The following HS3ST2 variants were observed in gnomAD, a reference collection of about 807,000 sequenced individuals.
HS3ST2 encodes the protein heparan sulfate-glucosamine 3-sulfotransferase 2.
Under a neutral mutation model 26.3 loss-of-function variants are expected in HS3ST2, and 17 were observed. The observed-to-expected ratio is 0.65, with a 90% CI of 0.44 to 0.97. HS3ST2 has a LOEUF of 0.97. Ranked by LOEUF, HS3ST2 falls within the 50% of genes least tolerant of loss-of-function variation. HS3ST2 has a pLI of 0.00. For missense variants in HS3ST2, 402 were observed against 501.2 expected (o/e 0.80, Z 1.89); for synonymous variants, 237 against 219.2 (o/e 1.08, Z -0.72).
chr16:22,901,976 C>T (rs886624336), intron 1 of HS3ST2, among the ~76,000 whole-genome samples: 15 of 152,048 alleles, frequency 9.9e-5, no homozygotes, highest in Non-Finnish European at 2.2e-4. Flanking sequence ...AAGGTGAAAA[C>T]GAAGTCCCAT....
intron 1 of HS3ST2, among the ~76,000 whole-genome samples, chr16:22,854,169 G>A (rs780952439): frequency 4.8e-5 from 7 of 144,986 alleles, no homozygotes; most frequent in Non-Finnish European, 7.7e-5. Flanking sequence ...TAGATTTCTG[G>A]GGTTGCAGGC....
At chr16:22,870,659 C>T (rs1901824445) in intron 1 of HS3ST2, among the ~76,000 whole-genome samples, 1 of 152,176 alleles carries the variant, frequency 6.6e-6, no homozygotes, top group Non-Finnish European at 1.5e-5. Context: ...GCATTCTCAC[C>T]TTGGGGACTG....
intron 1 of HS3ST2, among the ~76,000 whole-genome samples, chr16:22,858,829 A>G (rs549817634): frequency 6.6e-6 from 1 of 152,316 alleles, no homozygotes; most frequent in South Asian, 2.1e-4. Context: ...CTATATCAGT[A>G]TAATAAAGAA....
intron 1 of HS3ST2, among the ~76,000 whole-genome samples, chr16:22,842,295 TC>T (rs1245543165): frequency 6.6e-6 from 1 of 152,106 alleles, no homozygotes; most frequent in African/African-American, 2.4e-5. Flanking sequence ...ACTCCTGACC[TC>T]AGGTAATTCA....
intron 1 of HS3ST2, among the ~76,000 whole-genome samples, chr16:22,843,465 A>T (rs966733218): frequency 6.6e-6 from 1 of 152,164 alleles, no homozygotes; most frequent in South Asian, 2.1e-4. Flanking sequence ...ACTGGCTTCA[A>T]GTTGGGGTTC....
At chr16:22,860,500 G>A (rs1901659606) in intron 1 of HS3ST2, among the ~76,000 whole-genome samples, 1 of 152,072 alleles carries the variant, frequency 6.6e-6, no homozygotes, top group South Asian at 2.1e-4. Context: ...TCTGACTTCT[G>A]CAGTTTATTT....
chr16:22,837,173 C>G (rs1402555300), intron 1 of HS3ST2, among the ~76,000 whole-genome samples: 1 of 150,638 alleles, frequency 6.6e-6, no homozygotes, highest in Non-Finnish European at 1.5e-5. Flanking sequence ...GTCAGACTGT[C>G]CTGAGTTCAA....
At chr16:22,849,698 G>T (rs142328605) in intron 1 of HS3ST2, among the ~76,000 whole-genome samples, 1 of 152,310 alleles carries the variant, frequency 6.6e-6, no homozygotes, top group Non-Finnish European at 1.5e-5. Context: ...CAACTTGTCT[G>T]CCTGGAGGCA....
chr16:22,821,313 G>A (rs1900987990), intron 1 of HS3ST2, among the ~76,000 whole-genome samples: 1 of 151,314 alleles, frequency 6.6e-6, no homozygotes. Flanking sequence ...TGCTCAACAG[G>A]TGCTATTACC....
chr16:22,862,330 G>C (rs1287638967), intron 1 of HS3ST2, among the ~76,000 whole-genome samples: 5 of 145,366 alleles, frequency 3.4e-5, no homozygotes, highest in Non-Finnish European at 4.5e-5. Flanking sequence ...CAAACCAGTA[G>C]ACTGTGGGCT....
At chr16:22,820,668 G>A (rs1369280453) in intron 1 of HS3ST2, among the ~76,000 whole-genome samples, 1 of 152,232 alleles carries the variant, frequency 6.6e-6, no homozygotes, top group Admixed American at 6.5e-5. Context: ...TCTCCCACCT[G>A]GTCCCTCTGA....
intron 1 of HS3ST2, among the ~76,000 whole-genome samples, chr16:22,835,283 C>T (rs1389498782): frequency 3.4e-5 from 5 of 145,202 alleles, no homozygotes; most frequent in Non-Finnish European, 7.5e-5. Flanking sequence ...GTTATATAGG[C>T]TATTTCTGTT....
In HS3ST2 at chr16:22,915,421, C is replaced by T. The variant is rs539271647; in HGVS notation, c.963C>T (p.Leu321=). 7.4e-6 allele frequency: 12 copies of T among 1,613,804 alleles called. No homozygotes were observed. The East Asian group carries it at 2.5e-4, about 33-fold the overall frequency. Residue 321 remains leucine, a synonymous_variant, in exon 2 of 2, where the codon CTC becomes CTT. Coordinates refer to ENST00000261374, the MANE Select transcript of HS3ST2 (RefSeq NM_006043.2). The part of the protein sequence containing the change: ...FPCLKKTESS[L]LPRCLGKSKG... ...GCTTGAAAAAAACAGAATCGAGCCT[C>T]CTGCCTCGATGCTTGGGCAAATCAA...
At chr16:22,853,869 G>A (rs901570872) in intron 1 of HS3ST2, among the ~76,000 whole-genome samples, 1 of 152,158 alleles carries the variant, frequency 6.6e-6, no homozygotes, top group Non-Finnish European at 1.5e-5. Flanking sequence ...GAGGCTGATT[G>A]TCTGGTCAAG....
At chr16:22,906,379 A>ATAAATAAATAATTAAT (rs1555514878) in intron 1 of HS3ST2, among the ~76,000 whole-genome samples, 5 of 151,588 alleles carry the variant, frequency 3.3e-5, no homozygotes, top group African/African-American at 1.2e-4. Flanking sequence ...AAATAAATAA[A>ATAAATAAATAATTAAT]TAAATAAATA....
At chr16:22,843,903 G>A (rs1192974458) in intron 1 of HS3ST2, among the ~76,000 whole-genome samples, 1 of 148,980 alleles carries the variant, frequency 6.7e-6, no homozygotes, top group African/African-American at 2.4e-5. Flanking sequence ...AAGAAAGGAA[G>A]GCAAGAAACA....
intron 1 of HS3ST2, 76 bp downstream of exon 1, chr16:22,815,171 TTTCTC>T: frequency 2.6e-6 from 4 of 1,556,874 alleles, no homozygotes; most frequent in Non-Finnish European, 3.5e-6. Flanking sequence ...TCTCTTGTGT[TTTCTC>T]TTTCTTTTAA....
chr16:22,847,807 G>A (rs1250075899), intron 1 of HS3ST2, among the ~76,000 whole-genome samples: 1 of 149,200 alleles, frequency 6.7e-6, no homozygotes, highest in African/African-American at 2.5e-5. Context: ...AAGAGGAGAA[G>A]GAGGAGGAGG....
At chr16:22,825,741 T>C (rs2550776) in intron 1 of HS3ST2, among the ~76,000 whole-genome samples, 21,887 of 152,194 alleles carry the variant, frequency 0.14, 1,701 homozygotes, top group East Asian at 0.22. Flanking sequence ...AATAAAGTGG[T>C]TGCCGGGAGC....
Sources: allele counts gnomAD v4.1 joint callset (sites outside exome capture counted in the v4.1 genomes callset), GRCh38; gene constraint gnomAD v4.1.1; transcripts MANE v1.5; gene names NCBI Gene and HGNC (gene_info 2026-07-23, HGNC 2026-07-21).